Variants in BMP5 observed in about 807,000 individuals in gnomAD.
BMP5 encodes bone morphogenetic protein 5.
A neutral mutation model predicts 46.6 loss-of-function variants in BMP5; 23 were observed. That is an observed-to-expected ratio of 0.49 (90% confidence interval 0.35 to 0.70). The LOEUF is 0.70. Ranked by LOEUF, BMP5 falls within the 30% of genes least tolerant of loss-of-function variation. The pLI is 0.00. For synonymous variants in BMP5, 204 were observed against 191.9 expected (o/e 1.06, Z -0.52); for missense variants, 545 against 565.6 (o/e 0.96, Z 0.37).
Position 55,759,244 on chromosome 6 carries a change from A to C in BMP5, c.1105-129T>G, listed in dbSNP as rs933639698. Reference sequence around the variant, plus strand: ...AAAAAATCTTAAAAGTTATTGAAATATATTGTATCTGAATAGGTTTCTATT... The same window carrying C: ...AAAAAATCTTAAAAGTTATTGAAATCTATTGTATCTGAATAGGTTTCTATT... On this transcript the variant is annotated intron_variant, in intron 5 of 6. Coordinates refer to ENST00000370830, the MANE Select transcript of BMP5 (RefSeq NM_021073.4). 9.9e-5 allele frequency: 62 copies of C among 624,474 alleles called. No individual in the cohort carries two copies. In the East Asian group the frequency reaches 1.7e-3, roughly 18 times the overall value. The allele number at this position is 624,474 out of a possible 1,614,324, so 38.7% of individuals were successfully genotyped here. A position where few individuals can be genotyped will look rare whatever the true frequency, so the allele number is the denominator to read the frequency against.
chr6:55,779,374 G>A (rs1386672465), intron 3 of BMP5, among the ~76,000 whole-genome samples: 2 of 151,994 alleles, frequency 1.3e-5, no homozygotes, highest in African/African-American at 2.4e-5. Context: ...GGCTCTTGCA[G>A]TATCCGTTAT....
chr6:55,873,179 GT>G (rs2127557148), intron 1 of BMP5, among the ~76,000 whole-genome samples: 1 of 151,984 alleles, frequency 6.6e-6, no homozygotes, highest in South Asian at 2.1e-4. Flanking sequence ...GCATCCATGT[GT>G]TATTAAGATT....
chr6:55,801,335 A>T (rs78422524), intron 2 of BMP5, among the ~76,000 whole-genome samples: 1 of 152,162 alleles, frequency 6.6e-6, no homozygotes, highest in Admixed American at 6.5e-5. Context: ...TTCAGATCCC[A>T]CTAATTCTCC....
intron 1 of BMP5, among the ~76,000 whole-genome samples, chr6:55,865,783 A>T (rs1355857296): frequency 1.3e-5 from 2 of 152,324 alleles, no homozygotes; most frequent in East Asian, 3.9e-4. Context: ...ATGTAGGCTC[A>T]AAAGTCTAGG....
intron 3 of BMP5, among the ~76,000 whole-genome samples, chr6:55,792,796 A>C (rs1447619699): frequency 6.6e-6 from 1 of 152,158 alleles, no homozygotes; most frequent in Non-Finnish European, 1.5e-5. Context: ...GTGGTTTATT[A>C]AACAAGGCTT....
At chr6:55,775,556 G>A (rs1320345534) in intron 3 of BMP5, among the ~76,000 whole-genome samples, 3 of 151,918 alleles carry the variant, frequency 2.0e-5, no homozygotes, top group Non-Finnish European at 4.4e-5. Flanking sequence ...AATCTTTTAA[G>A]AGTAACATAT....
chr6:55,781,731 C>G (rs988847858), intron 3 of BMP5, among the ~76,000 whole-genome samples: 12 of 151,850 alleles, frequency 7.9e-5, no homozygotes, highest in Admixed American at 4.6e-4. Context: ...CTTCAGACTC[C>G]TGAGTAGCTA....
chr6:55,775,970 G>T (rs1435959812), intron 3 of BMP5, among the ~76,000 whole-genome samples: 2 of 150,620 alleles, frequency 1.3e-5, no homozygotes, highest in Non-Finnish European at 3.0e-5. Flanking sequence ...ATCCTCCACA[G>T]TTGTCTTACA....
chr6:55,784,049 A>G (rs16887166), intron 3 of BMP5, among the ~76,000 whole-genome samples: 3,044 of 152,048 alleles, frequency 0.02, 97 homozygotes, highest in African/African-American at 0.067. Context: ...TAAGCAAACT[A>G]TGTTAACCAT....
At chr6:55,800,251 G>A (rs1269672682) in intron 2 of BMP5, among the ~76,000 whole-genome samples, 1 of 152,126 alleles carries the variant, frequency 6.6e-6, no homozygotes, top group Non-Finnish European at 1.5e-5. Flanking sequence ...CATGAGACAA[G>A]TTTGAAGAAA....
chr6:55,773,914 G>A (rs1348892), intron 4 of BMP5, 135 bp downstream of exon 4: 63,100 of 964,280 alleles, frequency 0.065, 2,869 homozygotes, highest in African/African-American at 0.2. Context: ...ATTCTGGGAT[G>A]CTAGAAACAT....
intron 1 of BMP5, among the ~76,000 whole-genome samples, chr6:55,830,705 A>C: frequency 6.6e-6 from 1 of 152,066 alleles, no homozygotes; most frequent in Non-Finnish European, 1.5e-5. Flanking sequence ...CATCTAACTA[A>C]CTCATATATA....
At chr6:55,862,344 T>C (rs548587743) in intron 1 of BMP5, among the ~76,000 whole-genome samples, 11 of 152,192 alleles carry the variant, frequency 7.2e-5, no homozygotes, top group Non-Finnish European at 8.8e-5. Flanking sequence ...ATACCGTAAG[T>C]AGATTCAAGG....
chr6:55,840,990 T>G (rs768434388), intron 1 of BMP5, among the ~76,000 whole-genome samples: 1 of 152,086 alleles, frequency 6.6e-6, no homozygotes, highest in Non-Finnish European at 1.5e-5. Flanking sequence ...TGAGGAAGCA[T>G]TATGGCCTGA....
At position 55,819,640 on chromosome 6, in the gene BMP5, A is replaced by C. The variant is rs1329870820; in HGVS notation, c.683+15T>G. Reference sequence around the variant, plus strand: ...TATATTTGCCAGGATAATAAGTTAAATAAAAAGATTATACCTATTTGTGTA... The same window carrying C: ...TATATTTGCCAGGATAATAAGTTAACTAAAAAGATTATACCTATTTGTGTA... On this transcript the variant is annotated intron_variant, in intron 2 of 6. Transcript: ENST00000370830. 1.3e-6 allele frequency: 2 copies of C among 1,584,742 alleles called. No homozygotes were observed. Among genetic ancestry groups the C allele is most frequent in the Non-Finnish European group, 1.7e-6 (2 of 1,154,552 alleles).
chr6:55,864,788 T>C (rs945551252), intron 1 of BMP5, among the ~76,000 whole-genome samples: 1 of 152,330 alleles, frequency 6.6e-6, no homozygotes, highest in East Asian at 1.9e-4. Flanking sequence ...CCACAGTTTA[T>C]GTATGGCCTT....
chr6:55,759,999 C>A (rs1466065182), intron 5 of BMP5, among the ~76,000 whole-genome samples: 1 of 151,804 alleles, frequency 6.6e-6, no homozygotes, highest in African/African-American at 2.4e-5. Flanking sequence ...TCCTCCTCAT[C>A]CTGTTTCTAA....
At chr6:55,839,390 A>T (rs1776896936) in intron 1 of BMP5, among the ~76,000 whole-genome samples, 1 of 152,076 alleles carries the variant, frequency 6.6e-6, no homozygotes, top group South Asian at 2.1e-4. Flanking sequence ...TGGTACAATC[A>T]TAGCTCACTG....
chr6:55,865,375 TA>T, intron 1 of BMP5: 1 of 490,984 alleles, frequency 2.0e-6, no homozygotes, highest in Non-Finnish European at 4.1e-6. Flanking sequence ...AAAATTAAAG[TA>T]AAACCATGGA....
Sources: allele counts gnomAD v4.1 joint callset (sites outside exome capture counted in the v4.1 genomes callset), GRCh38; gene constraint gnomAD v4.1.1; transcripts MANE v1.5; gene names NCBI Gene and HGNC (gene_info 2026-07-23, HGNC 2026-07-21).